The following LIPG variants were observed in gnomAD, a reference collection of about 807,000 sequenced individuals.
LIPG encodes the protein lipase G, endothelial type, also known as endothelial lipase.
LIPG carries 34 observed loss-of-function variants against 51.8 expected under a neutral mutation model. That is an observed-to-expected ratio of 0.66 (90% confidence interval 0.50 to 0.87). The LOEUF is 0.87. Ranked by LOEUF, LIPG falls within the 40% of genes least tolerant of loss-of-function variation. The pLI is 0.00. For synonymous variants in LIPG, 246 were observed against 246.1 expected (o/e 1.00, Z 0.00); for missense variants, 580 against 652.7 (o/e 0.89, Z 1.21).
intron 1 of LIPG, among the ~76,000 whole-genome samples, chr18:49,562,608 C>A (rs1364587490): frequency 6.6e-6 from 1 of 152,216 alleles, no homozygotes; most frequent in Non-Finnish European, 1.5e-5. Context: ...ATGCAAAAGG[C>A]AAAGGCTGGC....
chr18:49,579,012 G>A (rs1193899640), intron 5 of LIPG, among the ~76,000 whole-genome samples: 1 of 34 alleles, frequency 0.029, no homozygotes, highest in Non-Finnish European at 0.071. Flanking sequence ...GGGAGAGGGA[G>A]AGGGAGAGGG....
At position 49,565,423 on chromosome 18, in the gene LIPG, C is replaced by A; in HGVS notation, c.204C>A (p.Val68=). Residue 68 remains valine, a synonymous_variant, in exon 2 of 10, where the codon GTC becomes GTA. Coordinates refer to ENST00000261292, the MANE Select transcript of LIPG (RefSeq NM_006033.4). ...DPEHEGCYLS[V]GHSQPLEDCS... ...AGCATGAAGGATGCTACCTCTCCGT[C>A]GGCCACAGCCAGCCCTTAGAAGACT... is the stretch of plus-strand genomic sequence containing the variant. 1 of 1,614,204 alleles carries A rather than the reference C, an allele frequency of 6.2e-7. No homozygotes were observed. The highest frequency in any genetic ancestry group is 2.2e-5 in the East Asian group (1 of 44,880).
chr18:49,577,654 C>G (rs1255078917), intron 5 of LIPG, among the ~76,000 whole-genome samples: 1 of 139,968 alleles, frequency 7.1e-6, no homozygotes, highest in Non-Finnish European at 1.5e-5. Context: ...GGGCTGACCC[C>G]CCCACCTCCC....
chr18:49,586,941 CATA>C lies in LIPG; in HGVS notation c.1481+92_1481+94del. On this transcript the variant is annotated intron_variant, in intron 9 of 9. Coordinates refer to ENST00000261292, the MANE Select transcript of LIPG (RefSeq NM_006033.4). ...TGGGGATGGATCTGGGTGCCAGGGA[CATA>C]GCATGAACAAAACAGATAAAAATCT... 5 of 939,176 alleles carry C rather than the reference CATA, an allele frequency of 5.3e-6. No homozygotes were observed. The South Asian group carries it at 6.7e-5, about 13-fold the overall frequency. The allele number at this position is 939,176 out of a possible 1,614,324, so 58.2% of individuals were successfully genotyped here.
At chr18:49,577,280 T>A (rs1454767612) in intron 5 of LIPG, among the ~76,000 whole-genome samples, 5 of 139,820 alleles carry the variant, frequency 3.6e-5, no homozygotes, top group African/African-American at 8.3e-5. Context: ...CCGCCCTTAA[T>A]CCATTTAACC....
chr18:49,561,795 A>T (rs146182694), upstream of LIPG: 36 of 1,255,736 alleles, frequency 2.9e-5, no homozygotes, highest in Non-Finnish European at 3.5e-5. Context: ...GGGTGTCCGG[A>T]GGAGGGCAGT....
chr18:49,569,465 T>A lies in LIPG; in HGVS notation c.488T>A (p.Val163Asp). ...QEKDDFSLGN[V>D]HLIGYSLGAH... Reference sequence around the variant, plus strand: ...AAGGACGATTTTTCTCTCGGGAATGTCCACTTGATCGGCTACAGCCTCGGA... The same window carrying A: ...AAGGACGATTTTTCTCTCGGGAATGACCACTTGATCGGCTACAGCCTCGGA... Residue 163 changes from valine to aspartate, a missense_variant, in exon 4 of 10, where the codon GTC becomes GAC. Val to Asp is a radical substitution (Grantham distance 152, BLOSUM62 -3). Coordinates refer to ENST00000261292, the MANE Select transcript of LIPG (RefSeq NM_006033.4). The A allele has an allele frequency of 6.2e-7, 1 of 1,614,192 alleles. No individual in the cohort carries two copies. Among genetic ancestry groups the A allele is most frequent in the Non-Finnish European group, 8.5e-7 (1 of 1,180,042 alleles).
At position 49,586,843 on chromosome 18, in the gene LIPG, G is replaced by T; in HGVS notation, c.1474G>T (p.Glu492Ter). ...KCRDGWRMKN[E>*]TSPTVELP ...TCGGGATGGCTGGAGGATGAAAAAC[G>T]AAACCAGGTAACCAGGACTTTCTCA... The change falls in exon 9 of 10, where the codon GAA becomes TAA. Residue 492 changes from glutamate to a stop codon, truncating the protein, a stop_gained. Coordinates refer to ENST00000261292, the MANE Select transcript of LIPG (RefSeq NM_006033.4). LOFTEE classifies it high-confidence loss of function. 1 of 1,613,138 alleles carries T rather than the reference G, an allele frequency of 6.2e-7. No individual in the cohort carries two copies. The highest frequency in any genetic ancestry group is 8.5e-7 in the Non-Finnish European group (1 of 1,179,110).
rs2143996322 is a variant in LIPG, at chr18:49,598,119, A to C, written c.*7597A>C. On this transcript the variant is annotated 3_prime_UTR_variant, in exon 10 of 10. Coordinates refer to ENST00000261292, the MANE Select transcript of LIPG (RefSeq NM_006033.4). ...GGATTCTTTTTGAAGAATATATATC[A>C]TCCAAAAAGAGGTCCTAGGAAATGT... is the stretch of plus-strand genomic sequence containing the variant. The C allele has an allele frequency of 6.6e-6, 1 of 152,298 alleles. No homozygotes were observed. 9.4% of individuals were successfully genotyped at this position (152,298 alleles called of 1,614,324 possible).
intron 5 of LIPG, 79 bp from the exon 6 acceptor site, chr18:49,581,336 G>T: frequency 1.3e-6 from 2 of 1,539,758 alleles, no homozygotes; most frequent in Non-Finnish European, 9.0e-7. Context: ...CACTGTTGAG[G>T]AGTACAGTAT....
intron 7 of LIPG, 40 bp from the exon 8 acceptor site, chr18:49,583,516 G>T: frequency 6.3e-7 from 1 of 1,576,388 alleles, no homozygotes. Flanking sequence ...CAGTTTTCCA[G>T]CTGTTAGGGG....
chr18:49,592,826 T>A lies in LIPG; in HGVS notation c.*2304T>A, dbSNP rs192589839. The A allele has an allele frequency of 3.6e-4, 55 of 152,136 alleles. No homozygotes were observed. The East Asian group carries it at 9.7e-3, about 27-fold the overall frequency. The allele number at this position is 152,136 out of a possible 1,614,324, so 9.4% of individuals were successfully genotyped here. A position where few individuals can be genotyped will look rare whatever the true frequency, so the allele number is the denominator to read the frequency against. Reference sequence around the variant, plus strand: ...TGTATATAATGTATATAAAAAAATATGGTTAGTGTTTACCTAAGGTTAACC... The same window carrying A: ...TGTATATAATGTATATAAAAAAATAAGGTTAGTGTTTACCTAAGGTTAACC... On this transcript the variant is annotated 3_prime_UTR_variant, in exon 10 of 10. Transcript: ENST00000261292.
At chr18:49,589,245 C>T (rs1253988994) in intron 9 of LIPG, 1 of 152,250 alleles carries the variant, frequency 6.6e-6, no homozygotes, top group East Asian at 1.9e-4. Flanking sequence ...TGGTTAGGAG[C>T]TCAACACAAC....
chr18:49,565,190 C>A, intron 1 of LIPG, 127 bp from the exon 2 acceptor site: 1 of 799,348 alleles, frequency 1.3e-6, no homozygotes, highest in Non-Finnish European at 2.1e-6. Context: ...AGGGAACATT[C>A]AGCAGATGTA....
intron 2 of LIPG, among the ~76,000 whole-genome samples, chr18:49,566,890 C>T (rs1419925790): frequency 6.6e-6 from 1 of 152,086 alleles, no homozygotes; most frequent in African/African-American, 2.4e-5. Context: ...AGTGGGGCAA[C>T]AGTATAGGAC....
upstream of LIPG, chr18:49,561,953 G>T: frequency 1.5e-6 from 2 of 1,369,760 alleles, no homozygotes; most frequent in South Asian, 4.1e-5. Flanking sequence ...AGCAAGGTGT[G>T]ACCAATCAGA....
In LIPG at chr18:49,571,918, G is replaced by C. The variant is rs140106479; in HGVS notation, c.571+2370G>C. ...GGAAAGAGGTCATATATTTATAGTT[G>C]AACCTGTGCCTTGTTTGCTATAATC... On this transcript the variant is annotated intron_variant, in intron 4 of 9. Transcript: ENST00000261292. 9.2e-5 allele frequency among the ~76,000 whole-genome samples: 14 copies of C among 152,298 alleles called. No homozygotes were observed. The East Asian group carries it at 2.7e-3, about 29-fold the overall frequency.
Position 49,585,939 on chromosome 18 carries a change from T to C in LIPG, c.1377-807T>C, listed in dbSNP as rs142718214. The stretch of plus-strand genomic sequence containing the variant: ...ATGTTTTTATATGTGTATAAACATA[T>C]AGGTCCTAAGGTCCTTAGGGCTTCC... On this transcript the variant is annotated intron_variant, in intron 8 of 9. Coordinates refer to ENST00000261292, the MANE Select transcript of LIPG (RefSeq NM_006033.4). 4.1e-3 allele frequency among the ~76,000 whole-genome samples: 630 copies of C among 152,312 alleles called. 6 individuals are homozygous for C. The highest frequency in any genetic ancestry group is 0.014 in the African/African-American group (598 of 41,564).
intron 5 of LIPG, among the ~76,000 whole-genome samples, chr18:49,576,906 C>G (rs908997186): frequency 2.0e-5 from 3 of 152,236 alleles, no homozygotes; most frequent in African/African-American, 7.2e-5. Flanking sequence ...GCCACTGCAT[C>G]TTGCTGTTAT....
Sources: gnomAD v4.1 joint callset for allele counts (sites outside exome capture counted in the v4.1 genomes callset) on GRCh38, gnomAD v4.1.1 for gene constraint, MANE v1.5 for transcripts, NCBI Gene and HGNC (gene_info 2026-07-23, HGNC 2026-07-21) for gene names.